Variants in COL11A1 observed in about 807,000 individuals in gnomAD.
COL11A1 encodes collagen type XI alpha 1 chain, also known as collagen alpha-1(XI) chain.
COL11A1 carries 74 observed loss-of-function variants against 265.2 expected under a neutral mutation model. That is an observed-to-expected ratio of 0.28 (90% CI 0.23 to 0.34). COL11A1 has a LOEUF of 0.34. Among genes scored for constraint, COL11A1 ranks in the 10% least tolerant of loss-of-function variants. The pLI, the probability that COL11A1 is intolerant of heterozygous loss-of-function variation, is 1.00. For synonymous variants in COL11A1, 816 were observed against 727.6 expected, an observed-to-expected ratio of 1.12 and a Z score of -1.96; for missense variants, 2,165 against 2,263.6, an observed-to-expected ratio of 0.96 and a Z score of 0.88.
chr1:103,012,375 A>G, intron 14 of COL11A1, 38 bp downstream of exon 14: 2 of 1,562,520 alleles, frequency 1.3e-6, no homozygotes, highest in Non-Finnish European at 1.8e-6. Flanking sequence ...GCTAATTTGA[A>G]AATTTTAACA....
chr1:102,885,033 G>A (rs1305598610), intron 63 of COL11A1, among the ~76,000 whole-genome samples: 1 of 152,072 alleles, frequency 6.6e-6, no homozygotes, highest in Admixed American at 6.6e-5. Flanking sequence ...ACAGGCCAGG[G>A]AGTATCTGAA....
At chr1:103,079,018 G>T in intron 2 of COL11A1, 147 bp from the exon 3 acceptor site, 1 of 640,170 alleles carries the variant, frequency 1.6e-6, no homozygotes, top group Admixed American at 2.8e-5. Flanking sequence ...ATAAATAGGG[G>T]TCCTCCATTA....
intron 54 of COL11A1, among the ~76,000 whole-genome samples, chr1:102,906,181 T>C (rs1251405141): frequency 6.6e-6 from 1 of 152,164 alleles, no homozygotes; most frequent in Non-Finnish European, 1.5e-5. Flanking sequence ...CACTTCAGTA[T>C]TGTAAATTAG....
intron 44 of COL11A1, among the ~76,000 whole-genome samples, chr1:102,938,673 T>C (rs1191821303): frequency 3.9e-5 from 6 of 152,102 alleles, no homozygotes; most frequent in Non-Finnish European, 7.4e-5. Flanking sequence ...TTATAACATA[T>C]GGGAATAAGT....
chr1:103,048,281 G>T (rs896731899), intron 4 of COL11A1, among the ~76,000 whole-genome samples: 6 of 152,096 alleles, frequency 3.9e-5, no homozygotes, highest in Admixed American at 3.3e-4. Context: ...TAATTTCAGA[G>T]CCTGTTATTG....
At chr1:103,027,271 T>G (rs2101971561) in intron 5 of COL11A1, among the ~76,000 whole-genome samples, 1 of 150,258 alleles carries the variant, frequency 6.7e-6, no homozygotes, top group South Asian at 2.1e-4. Context: ...TTATAAAAAT[T>G]TTAATTTTCA....
At chr1:103,107,188 A>C (rs544778097) in intron 1 of COL11A1, among the ~76,000 whole-genome samples, 27 of 152,170 alleles carry the variant, frequency 1.8e-4, no homozygotes, top group African/African-American at 6.5e-4. Flanking sequence ...ACAGGGTTGC[A>C]GACTTCCGAG....
chr1:102,918,043 T>C (rs1570724742), intron 49 of COL11A1, among the ~76,000 whole-genome samples: 2 of 151,614 alleles, frequency 1.3e-5, no homozygotes, highest in East Asian at 1.9e-4. Context: ...CAATAAATCA[T>C]TGCAACAAGA....
chr1:103,012,158 G>A (rs1666184237), intron 14 of COL11A1, among the ~76,000 whole-genome samples: 1 of 152,160 alleles, frequency 6.6e-6, no homozygotes, highest in South Asian at 2.1e-4. Flanking sequence ...TATAGTTTAA[G>A]AAATTAATAG....
intron 56 of COL11A1, 48 bp from the exon 57 acceptor site, chr1:102,898,226 A>ATATT (rs941250044): frequency 1.3e-5 from 11 of 848,442 alleles, no homozygotes; most frequent in Non-Finnish European, 1.7e-5. Context: ...AAAATAATAC[A>ATATT]TATTTATTTA....
At chr1:103,030,697 A>T (rs1312132125) in intron 5 of COL11A1, among the ~76,000 whole-genome samples, 1 of 152,126 alleles carries the variant, frequency 6.6e-6, no homozygotes, top group Non-Finnish European at 1.5e-5. Context: ...AAACTTTAAG[A>T]TAGTTCTAAT....
At chr1:102,928,679 G>C (rs9433948) in intron 46 of COL11A1, among the ~76,000 whole-genome samples, 122,977 of 146,476 alleles carry the variant, frequency 0.84, 53,074 homozygotes, top group East Asian at 1. Flanking sequence ...CACTGACTTC[G>C]ACAATGGTTG....
intron 24 of COL11A1, chr1:103,001,185 CTT>C (rs1180445287): frequency 2.5e-6 from 1 of 397,514 alleles, no homozygotes; most frequent in African/African-American, 2.1e-5. Flanking sequence ...TATTCCGAAA[CTT>C]AGATTGCAGC....
chr1:103,021,076 C>T (rs1167769259), intron 9 of COL11A1, among the ~76,000 whole-genome samples: 2 of 149,222 alleles, frequency 1.3e-5, no homozygotes, highest in African/African-American at 4.9e-5. Flanking sequence ...TGTTGTTCTA[C>T]CTTCAGTTCT....
In COL11A1 at chr1:103,087,120, T is replaced by C. The variant is rs982215234; in HGVS notation, c.107-4148A>G. Among the ~76,000 whole-genome samples the C allele has an allele frequency of 2.6e-5, 4 of 152,178 alleles. 1 individual carries two copies. Among genetic ancestry groups the C allele is most frequent in the Non-Finnish European group, 4.4e-5 (3 of 68,036 alleles). On this transcript the variant is annotated intron_variant, in intron 1 of 66. Coordinates refer to ENST00000370096, the MANE Select transcript of COL11A1 (RefSeq NM_001854.4). ...AATATGATATATGAAAAAAGTAAAA[T>C]GTCCATATTCAAAGCAATTCTTAAA...
At chr1:102,905,474 C>T (rs189791620) in intron 54 of COL11A1, among the ~76,000 whole-genome samples, 1 of 148,890 alleles carries the variant, frequency 6.7e-6, no homozygotes, top group Non-Finnish European at 1.5e-5. Flanking sequence ...ATTAGTGGTG[C>T]CTTTATTTGT....
At chr1:103,067,140 A>G (rs956554003) in intron 4 of COL11A1, among the ~76,000 whole-genome samples, 2 of 151,974 alleles carry the variant, frequency 1.3e-5, no homozygotes, top group African/African-American at 4.8e-5. Context: ...AAATATAAGG[A>G]AAGATCTAAG....
At position 103,031,258 on chromosome 1, in the gene COL11A1, A is replaced by AAAC. The variant is rs1278065221; in HGVS notation, c.652-15_652-14insGTT. 2 of 1,599,736 alleles carry AAAC rather than the reference A, an allele frequency of 1.3e-6. No individual in the cohort carries two copies. The highest frequency in any genetic ancestry group is 1.3e-5 in the African/African-American group (1 of 74,496). On this transcript the variant is annotated splice_polypyrimidine_tract_variant and intron_variant, in intron 4 of 66. Transcript: ENST00000370096. The stretch of plus-strand genomic sequence containing the variant: ...CTGAATGTCCCCCTGGGAAAAAAAA[A>AAAC]AAAACAAAAACAAACAGACACAGAT...
At chr1:103,067,617 T>C (rs953206682) in intron 4 of COL11A1, among the ~76,000 whole-genome samples, 3 of 151,556 alleles carry the variant, frequency 2.0e-5, no homozygotes, top group African/African-American at 7.3e-5. Flanking sequence ...AAAATAATTA[T>C]GAAATAGAAA....
Sources: gnomAD v4.1 joint callset for allele counts (sites outside exome capture counted in the v4.1 genomes callset) on GRCh38, gnomAD v4.1.1 for gene constraint, MANE v1.5 for transcripts, NCBI Gene and HGNC (gene_info 2026-07-23, HGNC 2026-07-21) for gene names.